Variants in TXK observed in about 807,000 individuals in gnomAD.
TXK encodes TXK tyrosine kinase.
A neutral mutation model predicts 81.0 loss-of-function variants in TXK; 60 were observed. The ratio of observed to expected loss-of-function variants is 0.74; its 90% confidence interval spans 0.60 to 0.92. TXK has a LOEUF of 0.92. Among genes scored for constraint, TXK ranks in the 40% least tolerant of loss-of-function variants. The pLI, the probability that TXK is intolerant of heterozygous loss-of-function variation, is 0.00. For missense variants in TXK, 581 were observed against 638.3 expected (o/e 0.91, Z 0.97); for synonymous variants, 203 against 210.7 (o/e 0.96, Z 0.32).
rs145298139 is a variant in TXK at position 48,128,165 on chromosome 4, G to C, written c.16+5990C>G. On this transcript the variant is annotated intron_variant, in intron 1 of 14. Coordinates refer to ENST00000264316, the MANE Select transcript of TXK (RefSeq NM_003328.3). ...CTGGCATTTCCGATGTCAGGGTTTC[G>C]TTTTGAATCAGTGCCTTGAGTGAAA... 2.6e-5 allele frequency among the ~76,000 whole-genome samples: 4 copies of C among 152,298 alleles called. No individual in the cohort carries two copies. In the East Asian group the frequency reaches 7.7e-4, roughly 29 times the overall value.
intron 14 of TXK, among the ~76,000 whole-genome samples, chr4:48,070,439 T>C (rs935800467): frequency 1.3e-5 from 2 of 152,184 alleles, no homozygotes; most frequent in Non-Finnish European, 1.5e-5. Flanking sequence ...CCCATTACTA[T>C]TAGCGTTGGA....
chr4:48,067,289 A>T lies in TXK; in HGVS notation c.*348T>A. On this transcript the variant is annotated 3_prime_UTR_variant, in exon 15 of 15. Transcript: ENST00000264316. ...TGAATGTCACTCGTCTTCAAGAAGGAAGCACTCTCAGCCTTGTGAAGAAGA... is the reference window on the plus strand; with the variant it reads ...TGAATGTCACTCGTCTTCAAGAAGGTAGCACTCTCAGCCTTGTGAAGAAGA... 1 of 219,676 alleles carries T rather than the reference A, an allele frequency of 4.6e-6. No homozygotes were observed. Among genetic ancestry groups the T allele is most frequent in the African/African-American group, 2.3e-5 (1 of 43,634 alleles). The allele number at this position is 219,676 out of a possible 1,614,324, so 13.6% of individuals were successfully genotyped here.
chr4:48,130,766 T>G (rs2109490382), intron 1 of TXK, among the ~76,000 whole-genome samples: 1 of 152,240 alleles, frequency 6.6e-6, no homozygotes, highest in South Asian at 2.1e-4. Context: ...ACAAAGTTGG[T>G]GTGAGAATCA....
At chr4:48,075,111 G>A (rs1245412487) in intron 12 of TXK, among the ~76,000 whole-genome samples, 1 of 152,010 alleles carries the variant, frequency 6.6e-6, no homozygotes, top group Non-Finnish European at 1.5e-5. Flanking sequence ...AAAGAAAAGG[G>A]GGGTACTAGA....
intron 10 of TXK, among the ~76,000 whole-genome samples, chr4:48,084,021 A>G (rs1273712180): frequency 5.9e-5 from 9 of 152,240 alleles, no homozygotes. Flanking sequence ...AACTATTTTA[A>G]AAATAAATAT....
chr4:48,110,222 C>G (rs1176445430), intron 5 of TXK, among the ~76,000 whole-genome samples: 1 of 152,170 alleles, frequency 6.6e-6, no homozygotes, highest in Non-Finnish European at 1.5e-5. Context: ...AAGTTTACCA[C>G]TCATTGAAAA....
chr4:48,106,476 T>G (rs1358775505), intron 5 of TXK, among the ~76,000 whole-genome samples: 1 of 151,984 alleles, frequency 6.6e-6, no homozygotes. Context: ...GACCAAATGA[T>G]GTGTATGAAG....
intron 13 of TXK, among the ~76,000 whole-genome samples, chr4:48,073,318 G>T (rs1367196218): frequency 1.3e-5 from 2 of 152,178 alleles, no homozygotes; most frequent in Non-Finnish European, 2.9e-5. Flanking sequence ...AGGATAGATA[G>T]ATTTTTGCAT....
intron 8 of TXK, 83 bp downstream of exon 8, chr4:48,093,994 C>A: frequency 6.5e-7 from 1 of 1,546,604 alleles, no homozygotes; most frequent in Non-Finnish European, 8.9e-7. Context: ...AGATTTGCTC[C>A]TGTTGAGTGC....
At chr4:48,078,320 C>T in intron 11 of TXK, among the ~76,000 whole-genome samples, 1 of 152,132 alleles carries the variant, frequency 6.6e-6, no homozygotes, top group East Asian at 1.9e-4. Flanking sequence ...GCATACTTCC[C>T]AAGGTGTGCT....
Position 48,100,171 on chromosome 4 carries a change from C to CAAAAAA in TXK, c.501+4724_501+4729dup, listed in dbSNP as rs11341305. ...TGGGCGACAGAAAGAGACTCCATCT[C>CAAAAAA]AAAAAAAAAAAAAAAAAAAAAAAAT... On this transcript the variant is annotated intron_variant, in intron 6 of 14. Coordinates refer to ENST00000264316, the MANE Select transcript of TXK (RefSeq NM_003328.3). 2.6e-3 allele frequency among the ~76,000 whole-genome samples: 139 copies of CAAAAAA among 53,904 alleles called. 1 individual carries two copies. Among genetic ancestry groups the CAAAAAA allele is most frequent in the Middle Eastern group, 0.014 (1 of 70 alleles). 35.4% of individuals were successfully genotyped at this position (53,904 alleles called of 152,430 possible). A position where few individuals can be genotyped will look rare whatever the true frequency, so the allele number is the denominator to read the frequency against.
chr4:48,069,326 C>CTTTTTTTTTTTT (rs376924565), intron 14 of TXK, among the ~76,000 whole-genome samples: 2 of 95,828 alleles, frequency 2.1e-5, no homozygotes, highest in Admixed American at 9.4e-5. Flanking sequence ...CTTTTCTTTT[C>CTTTTTTTTTTTT]TTTTTTTTTT....
At position 48,108,379 on chromosome 4, in the gene TXK, AACAG is replaced by A. The variant is rs1193778471; in HGVS notation, c.446+2155_446+2158del. ...AGAATGTATTGAACATGTATTATGT[AACAG>A]ATAGAATAGATACTATTTTCTCTGC... is the stretch of plus-strand genomic sequence containing the variant. On this transcript the variant is annotated intron_variant, in intron 5 of 14. Coordinates refer to ENST00000264316, the MANE Select transcript of TXK (RefSeq NM_003328.3). 3.9e-5 allele frequency among the ~76,000 whole-genome samples: 6 copies of A among 152,336 alleles called. No individual in the cohort carries two copies. In the East Asian group the frequency reaches 1.2e-3, roughly 29 times the overall value.
chr4:48,133,661 G>A lies in TXK; in HGVS notation c.16+494C>T, dbSNP rs116471337. On this transcript the variant is annotated intron_variant, in intron 1 of 14. Transcript: ENST00000264316. ...GTCTATATGTTTACTTGATAAAGCA[G>A]ATAATTTCAGAGTATAAACACAGTT... is the stretch of plus-strand genomic sequence containing the variant. 7.2e-3 allele frequency among the ~76,000 whole-genome samples: 1,102 copies of A among 152,304 alleles called. 5 individuals are homozygous for A. The highest frequency in any genetic ancestry group is 0.024 in the Middle Eastern group (7 of 294).
intron 13 of TXK, among the ~76,000 whole-genome samples, chr4:48,071,959 T>TC (rs1265676434): frequency 6.7e-6 from 1 of 149,526 alleles, no homozygotes; most frequent in Non-Finnish European, 1.5e-5. Flanking sequence ...TTCTTTTCTT[T>TC]TTTTTTTTTT....
At position 48,104,229 on chromosome 4, in the gene TXK, T is replaced by TATATATTTTATATATATAATATATA. The variant is rs1718316216; in HGVS notation, c.501+671_501+672insTATATATTATATATATAAAATATAT. Among the ~76,000 whole-genome samples, 2 of 12,148 alleles carry TATATATTTTATATATATAATATATA rather than the reference T, an allele frequency of 1.6e-4. 1 individual carries two copies. Among genetic ancestry groups the TATATATTTTATATATATAATATATA allele is most frequent in the African/African-American group, 9.9e-4 (2 of 2,022 alleles). The allele number at this position is 12,148 out of a possible 152,430, so 8.0% of individuals were successfully genotyped here. A position where few individuals can be genotyped will look rare whatever the true frequency, so the allele number is the denominator to read the frequency against. On this transcript the variant is annotated intron_variant, in intron 6 of 14. Transcript: ENST00000264316. ...AAATATATATATATATATTATATAT[T>TATATATTTTATATATATAATATATA]ATATTATATATAATATATATTTTAT...
At position 48,112,371 on chromosome 4, in the gene TXK, C is replaced by T; in HGVS notation, c.316G>A (p.Ala106Thr). The T allele has an allele frequency of 6.2e-7, 1 of 1,614,182 alleles. No homozygotes were observed. Among genetic ancestry groups the T allele is most frequent in the Non-Finnish European group, 8.5e-7 (1 of 1,180,042 alleles). The change falls in exon 4 of 15, where the codon GCA becomes ACA. Residue 106 changes from alanine (A) to threonine (T), a missense_variant. Ala to Thr is a moderately conservative substitution (Grantham distance 58). Transcript: ENST00000264316. The part of the protein sequence containing the change: ...REPCNLALRR[A>T]EEYLILEKYN... Reference sequence around the variant, plus strand: ...TTCTCCAGTATCAGGTATTCTTCTGCTCTCCTTAAGGCTAAATTACAGGGT... The same window carrying T: ...TTCTCCAGTATCAGGTATTCTTCTGTTCTCCTTAAGGCTAAATTACAGGGT...
intron 5 of TXK, among the ~76,000 whole-genome samples, chr4:48,105,874 G>A (rs1331567648): frequency 6.6e-6 from 1 of 152,012 alleles, no homozygotes; most frequent in African/African-American, 2.4e-5. Flanking sequence ...GTTTTTCTCT[G>A]CATGAAACAT....
Position 48,086,495 on chromosome 4 carries a change from C to T in TXK, c.927G>A (p.Glu309=). Residue 309 remains glutamate, a synonymous_variant, in exon 10 of 15, where the codon GAG becomes GAA. Transcript: ENST00000264316. ...KAINEGSMSE[E]DFIEEAKVMM... ...TCACTTTGGCCTCTTCAATGAAATC[C>T]TCTTCAGACATGGAGCCTTCATTGA... is the stretch of plus-strand genomic sequence containing the variant. The T allele has an allele frequency of 6.2e-7, 1 of 1,614,036 alleles. No homozygotes were observed. The highest frequency in any genetic ancestry group is 2.2e-5 in the East Asian group (1 of 44,880).
Sources: allele counts gnomAD v4.1 joint callset (sites outside exome capture counted in the v4.1 genomes callset), GRCh38; gene constraint gnomAD v4.1.1; transcripts MANE v1.5; gene names NCBI Gene and HGNC (gene_info 2026-07-23, HGNC 2026-07-21).